Variants in ADK observed in about 807,000 individuals in gnomAD.
ADK encodes adenosine kinase, also known as N6,N6-dimethyladenosine kinase.
In ADK, 24 loss-of-function variants were observed where a neutral mutation model predicts 44.7. The observed-to-expected ratio is 0.54, with a 90% confidence interval of 0.39 to 0.76. ADK has a LOEUF of 0.76. Ranked by LOEUF, ADK falls within the 30% of genes least tolerant of loss-of-function variation. The pLI is 0.00. For synonymous variants in ADK, 128 were observed against 142.6 expected (o/e 0.90, Z 0.73); for missense variants, 321 against 425.1 (o/e 0.76, Z 2.15).
intron 4 of ADK, among the ~76,000 whole-genome samples, chr10:74,331,037 A>C (rs1015058167): frequency 6.6e-6 from 1 of 151,990 alleles, no homozygotes; most frequent in Non-Finnish European, 1.5e-5. Flanking sequence ...TTCTATTTGA[A>C]CTTTTTTCTT....
At chr10:74,539,580 C>T (rs1849559732) in intron 7 of ADK, among the ~76,000 whole-genome samples, 1 of 152,006 alleles carries the variant, frequency 6.6e-6, no homozygotes, top group Non-Finnish European at 1.5e-5. Flanking sequence ...TCTCTTTATT[C>T]CCCTTTTTCT....
At chr10:74,391,775 A>G (rs1843342634) in intron 4 of ADK, among the ~76,000 whole-genome samples, 1 of 152,014 alleles carries the variant, frequency 6.6e-6, no homozygotes, top group Non-Finnish European at 1.5e-5. Flanking sequence ...TAGTATACGC[A>G]TGTTGTTACA....
chr10:74,597,267 T>C lies in ADK; in HGVS notation c.763-3112T>C, dbSNP rs570269317. 1.6e-4 allele frequency among the ~76,000 whole-genome samples: 24 copies of C among 152,348 alleles called. 1 individual carries two copies. The highest frequency in any genetic ancestry group is 2.5e-4 in the Non-Finnish European group (17 of 68,026). On this transcript the variant is annotated intron_variant, in intron 8 of 10. Coordinates refer to ENST00000539909, the MANE Select transcript of ADK (RefSeq NM_006721.4). ...TTTTAACTTTTTATTTTAAAATAAC[T>C]TTAGTCTTAGAAAAATTACAAAAAT...
At chr10:74,187,865 A>G (rs188985607) in intron 1 of ADK, among the ~76,000 whole-genome samples, 6 of 152,176 alleles carry the variant, frequency 3.9e-5, no homozygotes, top group Non-Finnish European at 5.9e-5. Flanking sequence ...GATTTGTTCT[A>G]TTCTGTTGAT....
At chr10:74,551,624 G>A (rs1008672031) in intron 7 of ADK, 4 of 152,174 alleles carry the variant, frequency 2.6e-5, no homozygotes, top group Non-Finnish European at 5.9e-5. Flanking sequence ...CAGCACAGAG[G>A]ACTAGTGGAA....
At chr10:74,537,595 G>T (rs1057281616) in intron 7 of ADK, among the ~76,000 whole-genome samples, 1 of 152,020 alleles carries the variant, frequency 6.6e-6, no homozygotes, top group Non-Finnish European at 1.5e-5. Flanking sequence ...AATTAAGAAG[G>T]TTTTTTTAAA....
intron 4 of ADK, among the ~76,000 whole-genome samples, chr10:74,390,631 A>G (rs7913606): frequency 0.65 from 98,127 of 152,046 alleles, 32,995 homozygotes; most frequent in Middle Eastern, 0.81. Flanking sequence ...TCCAGATGTC[A>G]CAGTTATTCT....
chr10:74,220,318 A>G (rs1005466542), intron 2 of ADK, among the ~76,000 whole-genome samples: 2 of 152,246 alleles, frequency 1.3e-5, no homozygotes, highest in African/African-American at 4.8e-5. Flanking sequence ...AGACTAAACC[A>G]GGAAGAAGTT....
chr10:74,355,972 A>G (rs1842122844), intron 4 of ADK, among the ~76,000 whole-genome samples: 1 of 134,336 alleles, frequency 7.4e-6, no homozygotes, highest in Non-Finnish European at 1.6e-5. Context: ...ATGTGTGTGT[A>G]TGTATCTGAA....
At chr10:74,229,610 GA>G (rs1844677119) in intron 3 of ADK, among the ~76,000 whole-genome samples, 1 of 152,124 alleles carries the variant, frequency 6.6e-6, no homozygotes, top group African/African-American at 2.4e-5. Context: ...TGTTAGCCAG[GA>G]TGGTCTTGAT....
At chr10:74,699,606 G>T (rs1313997606) in intron 10 of ADK, among the ~76,000 whole-genome samples, 1 of 152,190 alleles carries the variant, frequency 6.6e-6, no homozygotes, top group Non-Finnish European at 1.5e-5. Flanking sequence ...GAACGCTGGA[G>T]GCGGAGGTTG....
At chr10:74,687,035 C>T (rs529518558) in intron 10 of ADK, among the ~76,000 whole-genome samples, 28 of 152,256 alleles carry the variant, frequency 1.8e-4, no homozygotes, top group African/African-American at 6.7e-4. Flanking sequence ...TAATGAGTAC[C>T]TATCTCATTT....
At chr10:74,375,359 C>G (rs1842785222) in intron 4 of ADK, among the ~76,000 whole-genome samples, 1 of 152,060 alleles carries the variant, frequency 6.6e-6, no homozygotes, top group African/African-American at 2.4e-5. Flanking sequence ...ATTTGCCATT[C>G]TTTGGTTACT....
At chr10:74,182,142 A>AT (rs1242390242) in intron 1 of ADK, among the ~76,000 whole-genome samples, 1 of 152,194 alleles carries the variant, frequency 6.6e-6, no homozygotes, top group African/African-American at 2.4e-5. Context: ...TCTGGCTAAG[A>AT]TTGAAACTGT....
intron 1 of ADK, among the ~76,000 whole-genome samples, chr10:74,170,047 G>C (rs1842118670): frequency 6.6e-6 from 1 of 152,074 alleles, no homozygotes; most frequent in Non-Finnish European, 1.5e-5. Context: ...CACTATTTTA[G>C]GGAGACAAGT....
chr10:74,266,374 T>C (rs2132391912), intron 3 of ADK, among the ~76,000 whole-genome samples: 1 of 152,120 alleles, frequency 6.6e-6, no homozygotes, highest in East Asian at 1.9e-4. Flanking sequence ...CCGGCCAACA[T>C]GATGAAACCC....
intron 6 of ADK, among the ~76,000 whole-genome samples, chr10:74,421,099 A>T (rs1487212977): frequency 6.6e-6 from 1 of 152,156 alleles, no homozygotes; most frequent in Non-Finnish European, 1.5e-5. Context: ...AATGAATCTA[A>T]TTGTATTACA....
At chr10:74,547,484 A>ATTT (rs71024514) in intron 7 of ADK, among the ~76,000 whole-genome samples, 7 of 122,284 alleles carry the variant, frequency 5.7e-5, no homozygotes, top group African/African-American at 9.3e-5. Context: ...TTATTTTATT[A>ATTT]TTTTTTTTTT....
intron 3 of ADK, among the ~76,000 whole-genome samples, chr10:74,267,784 G>GTA (rs1846270532): frequency 6.7e-6 from 1 of 149,636 alleles, no homozygotes; most frequent in Non-Finnish European, 1.5e-5. Context: ...GTGTGTGTGT[G>GTA]TGTGTGTGTC....
Sources: allele counts gnomAD v4.1 joint callset (sites outside exome capture counted in the v4.1 genomes callset), GRCh38; gene constraint gnomAD v4.1.1; transcripts MANE v1.5; gene names NCBI Gene and HGNC (gene_info 2026-07-23, HGNC 2026-07-21).